Variants in PPM1E observed in about 807,000 individuals in gnomAD.
PPM1E encodes the protein protein phosphatase 1E.
A neutral mutation model predicts 65.9 loss-of-function variants in PPM1E; 20 were observed. The observed-to-expected ratio is 0.30, with a 90% CI of 0.21 to 0.44. The LOEUF is 0.44. Ranked by LOEUF, PPM1E falls within the 20% of genes least tolerant of loss-of-function variation. PPM1E has a pLI of 1.00. For synonymous variants in PPM1E, 352 were observed against 374.9 expected, an observed-to-expected ratio of 0.94 and a Z score of 0.70; for missense variants, 713 against 953.1, an observed-to-expected ratio of 0.75 and a Z score of 3.32.
At chr17:58,919,143 A>G (rs973494208) in intron 1 of PPM1E, among the ~76,000 whole-genome samples, 3 of 152,164 alleles carry the variant, frequency 2.0e-5, no homozygotes, top group African/African-American at 7.2e-5. Context: ...GAAAGGGAGA[A>G]ATGCCTAAAG....
At chr17:58,790,822 C>T (rs1267258103) in intron 1 of PPM1E, among the ~76,000 whole-genome samples, 1 of 152,102 alleles carries the variant, frequency 6.6e-6, no homozygotes, top group Non-Finnish European at 1.5e-5. Flanking sequence ...TGTCTTACTG[C>T]ATTCATGTGT....
At chr17:58,975,094 C>G (rs1255660077) in intron 6 of PPM1E, among the ~76,000 whole-genome samples, 11 of 152,136 alleles carry the variant, frequency 7.2e-5, no homozygotes, top group Admixed American at 7.2e-4. Context: ...TCAAATGCTA[C>G]CCTTGACTGA....
At chr17:58,789,742 A>C (rs1420024462) in intron 1 of PPM1E, among the ~76,000 whole-genome samples, 1 of 102 alleles carries the variant, frequency 9.8e-3, no homozygotes, top group African/African-American at 0.031. Flanking sequence ...AGAGTCATTT[A>C]TATATATATA....
In PPM1E at chr17:58,755,987, C is replaced by T; in HGVS notation, c.-11C>T. 1 of 1,613,942 alleles carries T rather than the reference C, an allele frequency of 6.2e-7. No homozygotes were observed. Among genetic ancestry groups the T allele is most frequent in the Non-Finnish European group, 8.5e-7 (1 of 1,179,890 alleles). ...ACCCCTTTCCCGGTCTGCCCTGGGG[C>T]ATGAGCAGCGATGGCCGGCTGCATC... On this transcript the variant is annotated 5_prime_UTR_variant, in exon 1 of 7. Coordinates refer to ENST00000308249, the MANE Select transcript of PPM1E (RefSeq NM_014906.5).
chr17:58,832,471 T>G (rs943149494), intron 1 of PPM1E, among the ~76,000 whole-genome samples: 1 of 152,342 alleles, frequency 6.6e-6, no homozygotes, highest in Non-Finnish European at 1.5e-5. Context: ...CTTCTACTAC[T>G]TCTATATATA....
chr17:58,945,322 T>C (rs2052134451), intron 1 of PPM1E, among the ~76,000 whole-genome samples: 1 of 152,166 alleles, frequency 6.6e-6, no homozygotes, highest in Non-Finnish European at 1.5e-5. Context: ...TATGTATTTT[T>C]AGTAGAGACG....
chr17:58,982,929 A>G lies in PPM1E; in HGVS notation c.*1898A>G, dbSNP rs376753730. The G allele has an allele frequency of 3.9e-5, 61 of 1,574,708 alleles. No homozygotes were observed. The highest frequency in any genetic ancestry group is 5.0e-5 in the Non-Finnish European group (58 of 1,158,588). Reference sequence around the variant, plus strand: ...AGTTTCAAATCAAATTATCTAAGAAAACAAGAAAACAAAGGCAGCAGACTA... The same window carrying G: ...AGTTTCAAATCAAATTATCTAAGAAGACAAGAAAACAAAGGCAGCAGACTA... On this transcript the variant is annotated 3_prime_UTR_variant, in exon 7 of 7. Transcript: ENST00000308249.
intron 3 of PPM1E, among the ~76,000 whole-genome samples, chr17:58,967,513 T>G (rs1043801866): frequency 8.7e-5 from 13 of 149,374 alleles, no homozygotes; most frequent in African/African-American, 3.2e-4. Context: ...TGTATATATA[T>G]ATATATAGAG....
intron 4 of PPM1E, among the ~76,000 whole-genome samples, chr17:58,971,299 C>T (rs9898916): frequency 0.64 from 96,799 of 151,842 alleles, 31,213 homozygotes; most frequent in African/African-American, 0.71. Context: ...ATAGGGAAAA[C>T]GAGAAGTTGT....
At chr17:58,807,060 T>C (rs755098392) in intron 1 of PPM1E, among the ~76,000 whole-genome samples, 5 of 152,132 alleles carry the variant, frequency 3.3e-5, no homozygotes, top group Non-Finnish European at 7.4e-5. Context: ...AAAATTTTAG[T>C]AGAGGTCTTC....
intron 1 of PPM1E, among the ~76,000 whole-genome samples, chr17:58,867,042 A>G (rs1480992498): frequency 1.3e-5 from 2 of 152,100 alleles, no homozygotes; most frequent in Non-Finnish European, 2.9e-5. Context: ...GTGCAGTGGT[A>G]TGATCTCGGC....
chr17:58,936,994 T>G (rs2051990121), intron 1 of PPM1E, among the ~76,000 whole-genome samples: 1 of 151,988 alleles, frequency 6.6e-6, no homozygotes, highest in Non-Finnish European at 1.5e-5. Context: ...ATAGTGGAGA[T>G]GGAATAATAA....
chr17:58,929,223 G>T (rs534931204), intron 1 of PPM1E, among the ~76,000 whole-genome samples: 3 of 152,170 alleles, frequency 2.0e-5, no homozygotes, highest in Admixed American at 1.3e-4. Context: ...CAGGCTATAT[G>T]AATCCATTCA....
At chr17:58,793,175 C>T (rs1409459154) in intron 1 of PPM1E, among the ~76,000 whole-genome samples, 3 of 151,812 alleles carry the variant, frequency 2.0e-5, no homozygotes, top group Non-Finnish European at 4.4e-5. Context: ...TTGTTATACT[C>T]CCTTCTTCAT....
intron 1 of PPM1E, among the ~76,000 whole-genome samples, chr17:58,922,748 G>A (rs1445675957): frequency 6.8e-6 from 1 of 148,018 alleles, no homozygotes; most frequent in Non-Finnish European, 1.5e-5. Context: ...GCAGTGGTGC[G>A]ATCTCGGCTC....
chr17:58,977,891 T>A (rs2031114803), intron 6 of PPM1E, among the ~76,000 whole-genome samples: 1 of 152,120 alleles, frequency 6.6e-6, no homozygotes, highest in Non-Finnish European at 1.5e-5. Context: ...TTTGCATGCA[T>A]GCCACCAGGC....
At chr17:58,864,565 G>T (rs2050978223) in intron 1 of PPM1E, among the ~76,000 whole-genome samples, 1 of 152,036 alleles carries the variant, frequency 6.6e-6, no homozygotes, top group East Asian at 1.9e-4. Context: ...GCTTGAACCT[G>T]GCAGATGGAG....
intron 1 of PPM1E, among the ~76,000 whole-genome samples, chr17:58,772,606 G>T (rs1001803224): frequency 1.3e-5 from 2 of 152,144 alleles, no homozygotes; most frequent in Non-Finnish European, 2.9e-5. Context: ...GAGCTGAAAA[G>T]CATTCCACCA....
At chr17:58,819,141 G>A (rs1418018917) in intron 1 of PPM1E, among the ~76,000 whole-genome samples, 2 of 152,088 alleles carry the variant, frequency 1.3e-5, no homozygotes, top group East Asian at 1.9e-4. Context: ...TTCCACAGCC[G>A]TATTTCTATT....
Sources: gnomAD v4.1 joint callset for allele counts (sites outside exome capture counted in the v4.1 genomes callset) on GRCh38, gnomAD v4.1.1 for gene constraint, MANE v1.5 for transcripts, NCBI Gene and HGNC (gene_info 2026-07-23, HGNC 2026-07-21) for gene names.